USP32: variants seen among roughly 807,000 people sequenced by gnomAD.
USP32 encodes the protein ubiquitin carboxyl-terminal hydrolase 32.
USP32 carries 59 observed loss-of-function variants against 204.8 expected under a neutral mutation model. The ratio of observed to expected loss-of-function variants is 0.29; its 90% CI spans 0.23 to 0.36. The LOEUF is 0.36. Ranked by LOEUF, USP32 falls within the 10% of genes least tolerant of loss-of-function variation. The pLI, the probability that USP32 is intolerant of heterozygous loss-of-function variation, is 1.00. For synonymous variants in USP32, 517 were observed against 678.4 expected, an observed-to-expected ratio of 0.76 and a Z score of 3.70; for missense variants, 1,160 against 1,946.4, an observed-to-expected ratio of 0.60 and a Z score of 7.60.
chr17:60,291,569 GTGTA>G (rs2087278707), intron 4 of USP32, among the ~76,000 whole-genome samples: 2 of 149,728 alleles, frequency 1.3e-5, no homozygotes, highest in South Asian at 4.2e-4. Flanking sequence ...GTGTGTGTGT[GTGTA>G]TAAACACAAA....
chr17:60,393,831 T>C (rs2146151299), upstream of USP32, among the ~76,000 whole-genome samples: 1 of 152,252 alleles, frequency 6.6e-6, no homozygotes, highest in East Asian at 1.9e-4. Context: ...ATTACAGGCA[T>C]GCGCCACCAT....
intron 11 of USP32, among the ~76,000 whole-genome samples, chr17:60,251,480 T>C (rs545606748): frequency 2.6e-5 from 4 of 152,314 alleles, no homozygotes; most frequent in African/African-American, 9.6e-5. Context: ...AAGAAACTAC[T>C]GAAAAGTTTG....
At chr17:60,180,737 G>C in intron 32 of USP32, 100 bp from the exon 33 acceptor site, 1 of 1,202,026 alleles carries the variant, frequency 8.3e-7, no homozygotes, top group South Asian at 1.4e-5. Context: ...TCATGTAAAT[G>C]ATCAGTAGGT....
chr17:60,303,280 C>A (rs2087632438), intron 2 of USP32, among the ~76,000 whole-genome samples: 1 of 152,044 alleles, frequency 6.6e-6, no homozygotes, highest in Non-Finnish European at 1.5e-5. Flanking sequence ...AACAAAAACA[C>A]CTTTATCCCT....
chr17:60,324,357 A>C (rs2088181499), intron 2 of USP32, among the ~76,000 whole-genome samples: 1 of 151,798 alleles, frequency 6.6e-6, no homozygotes, highest in Admixed American at 6.6e-5. Flanking sequence ...AAGTGAAAAC[A>C]CATTTTCAAA....
At chr17:60,418,800 A>G (rs1299883413) in intron 1 of USP32, among the ~76,000 whole-genome samples, 1 of 152,246 alleles carries the variant, frequency 6.6e-6, no homozygotes, top group African/African-American at 2.4e-5. Flanking sequence ...AATGCAAATC[A>G]AAACCACAGT....
At chr17:60,325,742 C>T (rs2088217458) in intron 2 of USP32, among the ~76,000 whole-genome samples, 1 of 151,950 alleles carries the variant, frequency 6.6e-6, no homozygotes, top group South Asian at 2.1e-4. Context: ...GCCTGGGCAA[C>T]ACAGCAAAAC....
rs546647179 is a variant in USP32 at position 60,397,214 on chromosome 17, T to C, written c.106+25032A>G. ...ATACCTTACTTCAGTTTCTAGATAA[T>C]AATAACTTTGTCAAGTCACCTAAGT... On this transcript the variant is annotated intron_variant, in intron 1 of 3. Coordinates refer to the USP32 transcript ENST00000588898. Among the ~76,000 whole-genome samples, 5 of 152,364 alleles carry C rather than the reference T, an allele frequency of 3.3e-5. No homozygotes were observed. The South Asian group carries it at 1.0e-3, about 32-fold the overall frequency.
intron 1 of USP32, among the ~76,000 whole-genome samples, 157 bp downstream of exon 1, chr17:60,391,725 C>T (rs754012578): frequency 6.6e-6 from 1 of 152,160 alleles, no homozygotes; most frequent in Non-Finnish European, 1.5e-5. Context: ...TCCCACCCGA[C>T]CTCTCTCCTC....
chr17:60,228,609 A>G (rs1256073682), intron 12 of USP32, among the ~76,000 whole-genome samples: 2 of 147,388 alleles, frequency 1.4e-5, no homozygotes, highest in Non-Finnish European at 3.0e-5. Flanking sequence ...TGAGCTCAGG[A>G]GAGTTGGAGA....
chr17:60,306,968 T>C (rs1315444003), intron 2 of USP32, among the ~76,000 whole-genome samples: 1 of 152,046 alleles, frequency 6.6e-6, no homozygotes, highest in African/African-American at 2.4e-5. Flanking sequence ...TAGGAATCAG[T>C]TTAGCCAGAG....
chr17:60,389,214 G>A (rs2089785500), intron 1 of USP32, among the ~76,000 whole-genome samples: 1 of 152,078 alleles, frequency 6.6e-6, no homozygotes, highest in Non-Finnish European at 1.5e-5. Flanking sequence ...TTATTCAAGT[G>A]CCCAAAAGAG....
At chr17:60,418,022 G>C (rs1403439444) in intron 1 of USP32, among the ~76,000 whole-genome samples, 3 of 145,666 alleles carry the variant, frequency 2.1e-5, no homozygotes, top group Non-Finnish European at 3.0e-5. Flanking sequence ...GCAATGGCAC[G>C]ATCTCGGCTC....
intron 2 of USP32, among the ~76,000 whole-genome samples, chr17:60,344,858 C>G (rs1227411988): frequency 2.0e-5 from 3 of 152,116 alleles, no homozygotes; most frequent in African/African-American, 7.2e-5. Flanking sequence ...GAGACAGTGT[C>G]TCACTATGTT....
intron 9 of USP32, among the ~76,000 whole-genome samples, chr17:60,262,931 TC>T (rs1471046974): frequency 6.6e-6 from 1 of 152,026 alleles, no homozygotes; most frequent in Non-Finnish European, 1.5e-5. Context: ...TTCTATCCTC[TC>T]ACCGTAATAC....
chr17:60,363,530 A>AT (rs977236744), intron 1 of USP32, among the ~76,000 whole-genome samples: 1 of 150,680 alleles, frequency 6.6e-6, no homozygotes, highest in African/African-American at 2.4e-5. Context: ...AAAAAAAAAA[A>AT]TTTGAGACAG....
At chr17:60,326,295 C>T (rs994652711) in intron 2 of USP32, among the ~76,000 whole-genome samples, 1 of 151,532 alleles carries the variant, frequency 6.6e-6, no homozygotes, top group African/African-American at 2.4e-5. Context: ...TTATTTGACA[C>T]CATGGTTTGT....
At chr17:60,405,189 G>T (rs2089966003) in intron 1 of USP32, among the ~76,000 whole-genome samples, 1 of 152,094 alleles carries the variant, frequency 6.6e-6, no homozygotes, top group African/African-American at 2.4e-5. Context: ...AAAAATAGAA[G>T]CTGTTAGTTT....
chr17:60,179,913 G>A (rs1449126112), intron 33 of USP32, among the ~76,000 whole-genome samples: 4 of 152,108 alleles, frequency 2.6e-5, no homozygotes, highest in Non-Finnish European at 2.9e-5. Flanking sequence ...CTCATGATCC[G>A]CCTGCCTTGG....
Sources: allele counts gnomAD v4.1 joint callset (sites outside exome capture counted in the v4.1 genomes callset), GRCh38; gene constraint gnomAD v4.1.1; transcripts MANE v1.5; gene names NCBI Gene and HGNC (gene_info 2026-07-23, HGNC 2026-07-21).